MELTF: variants seen among roughly 807,000 people sequenced by gnomAD.
MELTF encodes the protein antigen p97 (melanoma associated) identified by monoclonal antibodies 133.2 and 96.5.
Under a neutral mutation model 83.7 loss-of-function variants are expected in MELTF, and 67 were observed. The observed-to-expected ratio is 0.80, with a 90% confidence interval of 0.66 to 0.98. The LOEUF is 0.98. Ranked by LOEUF, MELTF falls within the 50% of genes least tolerant of loss-of-function variation. The pLI is 0.00. For missense variants in MELTF, 1,002 were observed against 1,035.6 expected (o/e 0.97, Z 0.44); for synonymous variants, 462 against 447.6 (o/e 1.03, Z -0.41).
chr3:197,016,408 C>T (rs757284251), intron 7 of MELTF, 39 bp from the exon 8 acceptor site: 2 of 1,448,710 alleles, frequency 1.4e-6, no homozygotes, highest in East Asian at 2.6e-5. Context: ...GGTGAGGGTG[C>T]TGACAGGCCA....
rs924238497 is a variant in MELTF, at chr3:197,029,792, C to T, written c.-90G>A. ...GCCGGGCTTCCTCCCTGCTCCCCCT[C>T]GCGCTGGCCCGAGCTCCTTAAGTGC... On this transcript the variant is annotated 5_prime_UTR_variant, in exon 1 of 16. Coordinates refer to ENST00000296350, the MANE Select transcript of MELTF (RefSeq NM_005929.6). This position sits in a 1 kb window ranked among gnomAD's most constrained non-coding sequence, Gnocchi z 6.5. 8 of 932,288 alleles carry T rather than the reference C, an allele frequency of 8.6e-6. No homozygotes were observed. Among genetic ancestry groups the T allele is most frequent in the African/African-American group, 6.8e-5 (4 of 58,676 alleles). 57.8% of individuals were successfully genotyped at this position (932,288 alleles called of 1,614,324 possible). A position where few individuals can be genotyped will look rare whatever the true frequency, so the allele number is the denominator to read the frequency against.
intron 10 of MELTF, 141 bp from the exon 11 acceptor site, chr3:197,009,953 A>G: frequency 1.3e-6 from 1 of 794,924 alleles, no homozygotes; most frequent in African/African-American, 1.7e-5. Context: ...GCCTGAGGCC[A>G]GGGTGTTCTG....
At chr3:197,026,817 TCGGGACACCTACCAGATGGCC>T in intron 2 of MELTF, 58 bp from the exon 3 acceptor site, 1 of 1,505,906 alleles carries the variant, frequency 6.6e-7, no homozygotes, top group Non-Finnish European at 9.1e-7. Context: ...AGCAAAGAAC[TCGGGACACCTACCAGATGGCC>T]TGGGGCCCCA....
At chr3:197,017,684 T>C (rs975896987) in intron 6 of MELTF, among the ~76,000 whole-genome samples, 15 of 152,158 alleles carry the variant, frequency 9.9e-5, no homozygotes, top group East Asian at 3.9e-4. Flanking sequence ...AAGACCATCC[T>C]GGCTAACACG....
intron 6 of MELTF, chr3:197,019,828 C>T: frequency 1.9e-6 from 3 of 1,538,906 alleles, no homozygotes; most frequent in Non-Finnish European, 2.6e-6. Flanking sequence ...TGGTTAATAA[C>T]AGCAAAGAAT....
intron 4 of MELTF, 146 bp from the exon 5 acceptor site, chr3:197,023,259 G>C (rs574846269): frequency 2.5e-6 from 2 of 816,164 alleles, no homozygotes; most frequent in African/African-American, 3.5e-5. Flanking sequence ...CAAAGCTGGG[G>C]AGTGGACCCG....
chr3:197,004,264 C>T, intron 14 of MELTF, 165 bp from the exon 15 acceptor site: 1 of 697,382 alleles, frequency 1.4e-6, no homozygotes, highest in South Asian at 1.7e-5. Context: ...AACTGATTGG[C>T]CTCTGTCACC....
At position 197,011,319 on chromosome 3, in the gene MELTF, C is replaced by T. The variant is rs113229248; in HGVS notation, c.1234-525G>A. 3.0e-4 allele frequency among the ~76,000 whole-genome samples: 45 copies of T among 152,216 alleles called. No homozygotes were observed. Among genetic ancestry groups the T allele is most frequent in the Non-Finnish European group, 5.4e-4 (37 of 68,024 alleles). On this transcript the variant is annotated intron_variant, in intron 9 of 15. Transcript: ENST00000296350. The surrounding 1 kb of genome is among the most constrained non-coding windows in gnomAD (Gnocchi z 4.2). ...GGATGGAGCTCTGCCTGCGGAGGCGCGGGAGGGTCCAGTGCCTTCTTCCCA... is the reference window on the plus strand; with the variant it reads ...GGATGGAGCTCTGCCTGCGGAGGCGTGGGAGGGTCCAGTGCCTTCTTCCCA...
Position 197,007,469 on chromosome 3 carries a change from GC to G in MELTF, c.1751-734del, listed in dbSNP as rs1278002802. On this transcript the variant is annotated intron_variant, in intron 13 of 15. Transcript: ENST00000296350. The surrounding 1 kb of genome is among the most constrained non-coding windows in gnomAD (Gnocchi z 4.3). ...GCTAAAGATAAAAGGGAAAGGAGTG[GC>G]CCTGGGAGGCGGGTGACTCACTGCA... 6.6e-6 allele frequency among the ~76,000 whole-genome samples: 1 copy of G among 152,180 alleles called. No homozygotes were observed. The highest frequency in any genetic ancestry group is 1.5e-5 in the Non-Finnish European group (1 of 68,036).
At chr3:197,015,707 C>T (rs977756058) in intron 8 of MELTF, among the ~76,000 whole-genome samples, 191 bp from the exon 9 acceptor site, 9 of 152,216 alleles carry the variant, frequency 5.9e-5, no homozygotes, top group Non-Finnish European at 7.3e-5. Context: ...CCATGGCTGG[C>T]GTGCATGTAA....
chr3:197,023,782 G>C (rs1719727726), intron 4 of MELTF: 2 of 454,242 alleles, frequency 4.4e-6, no homozygotes, highest in Non-Finnish European at 8.8e-6. Flanking sequence ...CAAGTGCCTG[G>C]TGAGCCACTC....
chr3:197,022,943 C>A lies in MELTF; in HGVS notation c.644+14G>T. On this transcript the variant is annotated intron_variant, in intron 5 of 15. Coordinates refer to ENST00000296350, the MANE Select transcript of MELTF (RefSeq NM_005929.6). This position sits in a 1 kb window ranked among gnomAD's most constrained non-coding sequence, Gnocchi z 5.1. The stretch of plus-strand genomic sequence containing the variant: ...TCCCTGCCCTCGGCCCCTCCCTGCC[C>A]CCACTCCGCTCACCGGAAGGCCCCG... The A allele has an allele frequency of 6.2e-7, 1 of 1,600,338 alleles. No individual in the cohort carries two copies.
In MELTF at chr3:197,006,866, C is replaced by G. The variant is rs1037055466; in HGVS notation, c.1751-130G>C. ...GCAACATCTGGCCAGCTCCCCAACC[C>G]TCTCCATTCTCCACGTGCTCTGCTG... On this transcript the variant is annotated intron_variant, in intron 13 of 15. Coordinates refer to ENST00000296350, the MANE Select transcript of MELTF (RefSeq NM_005929.6). This position sits in a 1 kb window ranked among gnomAD's most constrained non-coding sequence, Gnocchi z 5.4. 1.4e-5 allele frequency: 11 copies of G among 783,596 alleles called. No homozygotes were observed. In the African/African-American group the frequency reaches 1.5e-4, roughly 10 times the overall value. 48.5% of individuals were successfully genotyped at this position (783,596 alleles called of 1,614,324 possible).
At position 197,029,291 on chromosome 3, in the gene MELTF, G is replaced by T. The variant is rs1719990303; in HGVS notation, c.49+363C>A. The T allele has an allele frequency of 4.6e-6, 1 of 219,362 alleles. No homozygotes were observed. Among genetic ancestry groups the T allele is most frequent in the Non-Finnish European group, 8.9e-6 (1 of 111,862 alleles). 13.6% of individuals were successfully genotyped at this position (219,362 alleles called of 1,614,324 possible). ...TTCTCCCGCGGGGGCTCGGGAGAAA[G>T]AGCTGCTCCGAGCCCCCAAAGTCTT... On this transcript the variant is annotated intron_variant, in intron 1 of 15. Coordinates refer to ENST00000296350, the MANE Select transcript of MELTF (RefSeq NM_005929.6). This position sits in a 1 kb window ranked among gnomAD's most constrained non-coding sequence, Gnocchi z 6.5.
chr3:197,027,812 G>A lies in MELTF; in HGVS notation c.148C>T (p.Pro50Ser), dbSNP rs1421318493. 1.1e-5 allele frequency: 18 copies of A among 1,611,110 alleles called. No homozygotes were observed. The highest frequency in any genetic ancestry group is 2.7e-5 in the African/African-American group (2 of 74,886). The change falls in exon 2 of 16, where the codon CCC (proline) becomes TCC (serine). Residue 50 changes from proline to serine, a missense_variant. Transcript: ENST00000296350. ...GTGCCCCGGACGCAGAGGAGGGAGG[G>A]CTGGATGCCCGCTTCCCGGAAGGCC... The part of the protein sequence containing the change: ...SEAFREAGIQ[P>S]SLLCVRGTSA...
At chr3:197,009,369 C>T (rs761209221) in intron 11 of MELTF, among the ~76,000 whole-genome samples, 1 of 152,184 alleles carries the variant, frequency 6.6e-6, no homozygotes, top group Non-Finnish European at 1.5e-5. Context: ...ACAGCCAGGA[C>T]AGAGGTGTGT....
chr3:197,026,940 T>G, intron 2 of MELTF, 181 bp from the exon 3 acceptor site: 1 of 575,952 alleles, frequency 1.7e-6, no homozygotes, highest in Non-Finnish European at 3.1e-6. Context: ...GGCCAGGGAT[T>G]CACCTTGTTT....
chr3:197,018,011 T>A (rs913096597), intron 6 of MELTF, among the ~76,000 whole-genome samples: 1 of 152,182 alleles, frequency 6.6e-6, no homozygotes, highest in Admixed American at 6.5e-5. Flanking sequence ...GGGGCCACGG[T>A]GGAAACAAAC....
chr3:197,023,320 C>T (rs1353557227), intron 4 of MELTF, among the ~76,000 whole-genome samples: 3 of 152,304 alleles, frequency 2.0e-5, no homozygotes, highest in South Asian at 4.1e-4. Flanking sequence ...GCACTGGGAG[C>T]GACTGTCATT....
Sources: allele counts gnomAD v4.1 joint callset (sites outside exome capture counted in the v4.1 genomes callset), GRCh38; gene constraint gnomAD v4.1.1; non-coding constraint Gnocchi (gnomAD v3.1); transcripts MANE v1.5; gene names NCBI Gene and HGNC (gene_info 2026-07-23, HGNC 2026-07-21).